CACNA2D1: variants seen among roughly 807,000 people sequenced by gnomAD.
CACNA2D1 encodes the protein calcium voltage-gated channel auxiliary subunit alpha2delta 1.
CACNA2D1 carries 53 observed loss-of-function variants against 171.5 expected under a neutral mutation model. The ratio of observed to expected loss-of-function variants is 0.31; its 90% CI spans 0.25 to 0.39. CACNA2D1 has a LOEUF of 0.39. Ranked by LOEUF, CACNA2D1 falls within the 10% of genes least tolerant of loss-of-function variation. The pLI, the probability that CACNA2D1 is intolerant of heterozygous loss-of-function variation, is 1.00. For synonymous variants in CACNA2D1, 442 were observed against 443.1 expected (o/e 1.00, Z 0.03); for missense variants, 903 against 1,299.8 (o/e 0.69, Z 4.69).
intron 3 of CACNA2D1, among the ~76,000 whole-genome samples, chr7:82,256,217 C>T (rs1376008465): frequency 6.6e-6 from 1 of 152,072 alleles, no homozygotes; most frequent in East Asian, 1.9e-4. Flanking sequence ...TTGCTTGAAC[C>T]TTGGAGGCGG....
intron 6 of CACNA2D1, among the ~76,000 whole-genome samples, chr7:82,091,245 T>C (rs891319276): frequency 2.0e-5 from 3 of 152,178 alleles, no homozygotes; most frequent in Non-Finnish European, 4.4e-5. Context: ...TCTCTAATCA[T>C]GTCTCGGGCA....
chr7:82,296,201 T>C (rs1345506892), intron 3 of CACNA2D1, among the ~76,000 whole-genome samples: 1 of 151,788 alleles, frequency 6.6e-6, no homozygotes, highest in African/African-American at 2.4e-5. Context: ...ATGGCACATG[T>C]ATACATATAT....
chr7:82,118,602 TAA>T (rs1174346469), intron 5 of CACNA2D1, among the ~76,000 whole-genome samples: 1 of 152,098 alleles, frequency 6.6e-6, no homozygotes, highest in African/African-American at 2.4e-5. Flanking sequence ...TATTAAGGTT[TAA>T]GTCTTTTCTA....
At chr7:82,137,701 C>T (rs1292032639) in intron 4 of CACNA2D1, among the ~76,000 whole-genome samples, 2 of 49,976 alleles carry the variant, frequency 4.0e-5, no homozygotes, top group Admixed American at 3.8e-4. Flanking sequence ...GAAACTCCGT[C>T]TCTACTAAAA....
intron 1 of CACNA2D1, among the ~76,000 whole-genome samples, chr7:82,393,373 A>G (rs2129450926): frequency 6.6e-6 from 1 of 152,316 alleles, no homozygotes; most frequent in Non-Finnish European, 1.5e-5. Flanking sequence ...TGGAGGCAAC[A>G]GAGGTCTGTG....
At chr7:82,281,318 A>C (rs775153326) in intron 3 of CACNA2D1, among the ~76,000 whole-genome samples, 3 of 152,200 alleles carry the variant, frequency 2.0e-5, no homozygotes, top group Non-Finnish European at 2.9e-5. Flanking sequence ...AGAACAAGTC[A>C]TTGTGTCGAG....
chr7:82,270,098 GC>G (rs1808419524), intron 3 of CACNA2D1, among the ~76,000 whole-genome samples: 1 of 151,998 alleles, frequency 6.6e-6, no homozygotes, highest in South Asian at 2.1e-4. Flanking sequence ...AGCTTTATAG[GC>G]CCATAACTTG....
At chr7:81,991,337 G>T in intron 20 of CACNA2D1, 91 bp from the exon 21 acceptor site, 1 of 749,132 alleles carries the variant, frequency 1.3e-6, no homozygotes, top group Non-Finnish European at 2.4e-6. Context: ...TATAAATTTT[G>T]TAGTCATTTA....
At chr7:82,316,286 C>A (rs1815112299) in intron 3 of CACNA2D1, among the ~76,000 whole-genome samples, 1 of 152,138 alleles carries the variant, frequency 6.6e-6, no homozygotes, top group African/African-American at 2.4e-5. Flanking sequence ...CACTGAATAG[C>A]ATTGCTTGTT....
At chr7:82,290,812 T>C (rs1228197468) in intron 3 of CACNA2D1, among the ~76,000 whole-genome samples, 2 of 151,736 alleles carry the variant, frequency 1.3e-5, no homozygotes, top group Non-Finnish European at 2.9e-5. Flanking sequence ...GTCAGGCTGG[T>C]CTCAAACTCC....
chr7:82,362,248 C>T (rs1821154301), intron 1 of CACNA2D1, among the ~76,000 whole-genome samples: 1 of 152,068 alleles, frequency 6.6e-6, no homozygotes, highest in African/African-American at 2.4e-5. Context: ...CATTATTAGT[C>T]ATTCTGTTAC....
In CACNA2D1 at chr7:81,946,720, C is replaced by CA. The variant is rs1055041275; in HGVS notation, c.*3671dup. 3.3e-5 allele frequency: 5 copies of CA among 151,884 alleles called. No homozygotes were observed. The highest frequency in any genetic ancestry group is 4.8e-5 in the African/African-American group (2 of 41,388). The allele number at this position is 151,884 out of a possible 1,614,324, so 9.4% of individuals were successfully genotyped here. A position where few individuals can be genotyped will look rare whatever the true frequency, so the allele number is the denominator to read the frequency against. On this transcript the variant is annotated 3_prime_UTR_variant, in exon 39 of 39. Transcript: ENST00000356860. Reference sequence around the variant, plus strand: ...ATGATCCGACACTCATACAACACAACAAAAAAGACAGCTTTACTAGGTCAC... The same window carrying CA: ...ATGATCCGACACTCATACAACACAACAAAAAAAGACAGCTTTACTAGGTCAC...
rs146765599 is a variant in CACNA2D1 at position 82,343,657 on chromosome 7, G to A, written c.177+5911C>T. ...CTCTACCTGTTTTTTTGTTGTTGTCGTTGTTTAATTCTGGAGATAATTTAT... is the reference window on the plus strand; with the variant it reads ...CTCTACCTGTTTTTTTGTTGTTGTCATTGTTTAATTCTGGAGATAATTTAT... On this transcript the variant is annotated intron_variant, in intron 2 of 38. Transcript: ENST00000356860. 1.2e-4 allele frequency among the ~76,000 whole-genome samples: 19 copies of A among 152,082 alleles called. No homozygotes were observed. The East Asian group carries it at 1.7e-3, about 14-fold the overall frequency.
At position 82,038,255 on chromosome 7, in the gene CACNA2D1, A is replaced by AT. The variant is rs777674092; in HGVS notation, c.880-21_880-20insA. The AT allele has an allele frequency of 1.3e-6, 2 of 1,596,020 alleles. No individual in the cohort carries two copies. Among genetic ancestry groups the AT allele is most frequent in the South Asian group, 2.2e-5 (2 of 90,616 alleles). ...GTTAAACTGCAAAAGATTAAAAAGT[A>AT]AATATATAAATGAACATTAAAATCA... On this transcript the variant is annotated intron_variant, in intron 10 of 38. Transcript: ENST00000356860.
At chr7:82,240,708 A>T (rs1176354029) in intron 3 of CACNA2D1, among the ~76,000 whole-genome samples, 2 of 152,142 alleles carry the variant, frequency 1.3e-5, no homozygotes, top group Admixed American at 1.3e-4. Context: ...CATGCCTGTA[A>T]TCCCAATCTC....
At chr7:82,071,178 C>G (rs1402490314) in intron 7 of CACNA2D1, among the ~76,000 whole-genome samples, 1 of 152,078 alleles carries the variant, frequency 6.6e-6, no homozygotes, top group South Asian at 2.1e-4. Context: ...TAACAGCAAG[C>G]AATAAAAGCT....
At chr7:82,115,858 C>T (rs759835258) in intron 6 of CACNA2D1, among the ~76,000 whole-genome samples, 1 of 152,002 alleles carries the variant, frequency 6.6e-6, no homozygotes, top group Non-Finnish European at 1.5e-5. Flanking sequence ...ATGAGCCTGG[C>T]ACTATTATGA....
chr7:81,982,704 T>C (rs745803177), intron 23 of CACNA2D1, 77 bp from the exon 24 acceptor site: 1 of 896,994 alleles, frequency 1.1e-6, no homozygotes. Context: ...TAAGAAGGCA[T>C]GAGAAAGATT....
intron 5 of CACNA2D1, among the ~76,000 whole-genome samples, chr7:82,132,816 T>A (rs1584866239): frequency 6.6e-6 from 1 of 152,330 alleles, no homozygotes; most frequent in Admixed American, 6.5e-5. Context: ...CAACATAATT[T>A]GTTTTGATTC....
Sources: gnomAD v4.1 joint callset for allele counts (sites outside exome capture counted in the v4.1 genomes callset) on GRCh38, gnomAD v4.1.1 for gene constraint, MANE v1.5 for transcripts, NCBI Gene and HGNC (gene_info 2026-07-23, HGNC 2026-07-21) for gene names.